HPSE2: variants seen among roughly 807,000 people sequenced by gnomAD.
HPSE2 encodes the protein heparanase 2 (inactive).
A neutral mutation model predicts 60.5 loss-of-function variants in HPSE2; 38 were observed. That is an observed-to-expected ratio of 0.63 (90% CI 0.48 to 0.82). HPSE2 has a LOEUF of 0.82. HPSE2 is among the 40% of genes least tolerant of loss of function. HPSE2 has a pLI of 0.00. For synonymous variants in HPSE2, 295 were observed against 293.2 expected (o/e 1.01, Z -0.06); for missense variants, 713 against 740.4 (o/e 0.96, Z 0.43).
chr10:98,858,925 T>G (rs1012830830), intron 3 of HPSE2, among the ~76,000 whole-genome samples: 3 of 152,124 alleles, frequency 2.0e-5, no homozygotes, highest in Non-Finnish European at 4.4e-5. Context: ...TCTGTGTTTT[T>G]TTTGTTTGTT....
At chr10:99,062,852 T>C (rs1041787642) in intron 3 of HPSE2, among the ~76,000 whole-genome samples, 1 of 152,178 alleles carries the variant, frequency 6.6e-6, no homozygotes, top group Non-Finnish European at 1.5e-5. Context: ...ATTGCAAAAC[T>C]AAACTATTAG....
At chr10:98,731,784 G>A (rs1357510296) in intron 4 of HPSE2, among the ~76,000 whole-genome samples, 2 of 152,086 alleles carry the variant, frequency 1.3e-5, no homozygotes, top group Non-Finnish European at 2.9e-5. Context: ...AGTGCAGTCA[G>A]GCAAGGGAGA....
intron 3 of HPSE2, among the ~76,000 whole-genome samples, chr10:98,820,365 T>C (rs1589882461): frequency 6.6e-6 from 1 of 152,178 alleles, no homozygotes; most frequent in Non-Finnish European, 1.5e-5. Context: ...GGATACATGA[T>C]ATAAAACCAA....
At chr10:98,640,775 A>C (rs1472959297) in intron 7 of HPSE2, among the ~76,000 whole-genome samples, 28 of 152,356 alleles carry the variant, frequency 1.8e-4, no homozygotes, top group Non-Finnish European at 4.4e-5. Flanking sequence ...TTAGAGGCCC[A>C]TGGCAATTGT....
intron 3 of HPSE2, among the ~76,000 whole-genome samples, chr10:99,139,277 A>T (rs1845777152): frequency 1.3e-5 from 2 of 152,160 alleles, no homozygotes; most frequent in South Asian, 4.1e-4. Flanking sequence ...GACACTGGAG[A>T]CTCAGAAGCA....
intron 3 of HPSE2, among the ~76,000 whole-genome samples, chr10:99,071,456 A>G (rs1287472114): frequency 6.6e-6 from 1 of 152,134 alleles, no homozygotes; most frequent in Admixed American, 6.5e-5. Context: ...AAGGGTTCCA[A>G]TTTCTACACA....
chr10:98,837,259 C>T lies in HPSE2; in HGVS notation c.611-93203G>A, dbSNP rs142335628. Among the ~76,000 whole-genome samples, 43 of 152,178 alleles carry T rather than the reference C, an allele frequency of 2.8e-4. 2 individuals are homozygous for T. The East Asian group carries it at 8.3e-3, about 29-fold the overall frequency. ...AAACAGCAACATCAAGAAATGTATG[C>T]ATTATTTTTAGTTAGTGGTGACCCA... On this transcript the variant is annotated intron_variant, in intron 3 of 11. Coordinates refer to ENST00000370552, the MANE Select transcript of HPSE2 (RefSeq NM_021828.5).
At position 98,459,445 on chromosome 10, in the gene HPSE2, G is replaced by A. The variant is rs1231567410; in HGVS notation, c.*129C>T. ...TTTAGTCTCTTTGGAGAGCAAGTCTGTGTTGATTCCAGCAGGATGGGGCAG... is the reference window on the plus strand; with the variant it reads ...TTTAGTCTCTTTGGAGAGCAAGTCTATGTTGATTCCAGCAGGATGGGGCAG... On this transcript the variant is annotated 3_prime_UTR_variant, in exon 12 of 12. Transcript: ENST00000370552. 2 of 1,011,882 alleles carry A rather than the reference G, an allele frequency of 2.0e-6. No homozygotes were observed. The highest frequency in any genetic ancestry group is 3.1e-6 in the Non-Finnish European group (2 of 636,056). The allele number at this position is 1,011,882 out of a possible 1,614,324, so 62.7% of individuals were successfully genotyped here.
intron 9 of HPSE2, among the ~76,000 whole-genome samples, chr10:98,532,183 G>C (rs1943151027): frequency 6.6e-6 from 1 of 152,134 alleles, no homozygotes; most frequent in Non-Finnish European, 1.5e-5. Context: ...TGAGAGCTTG[G>C]AGAAGAAAAC....
At chr10:99,225,971 A>G (rs1237643781) in intron 2 of HPSE2, among the ~76,000 whole-genome samples, 1 of 152,078 alleles carries the variant, frequency 6.6e-6, no homozygotes, top group Non-Finnish European at 1.5e-5. Context: ...TTTGCTTGGG[A>G]TAATTTCTAA....
intron 9 of HPSE2, among the ~76,000 whole-genome samples, chr10:98,552,398 T>C (rs970899901): frequency 3.3e-5 from 5 of 152,092 alleles, no homozygotes; most frequent in Non-Finnish European, 7.4e-5. Flanking sequence ...GCCTGGCACA[T>C]ATAGGTACTA....
chr10:99,257,962 C>T, the HPSE2 span, among the ~76,000 whole-genome samples: 29 of 152,004 alleles, frequency 1.9e-4, 1 homozygote, highest in South Asian at 2.1e-3. Flanking sequence ...CAGGTTCTCC[C>T]GATACCTGTC....
Position 99,114,697 on chromosome 10 carries a change from G to A in HPSE2, c.610+29541C>T, listed in dbSNP as rs547472178. Among the ~76,000 whole-genome samples, 3 of 152,094 alleles carry A rather than the reference G, an allele frequency of 2.0e-5. No individual in the cohort carries two copies. The East Asian group carries it at 5.8e-4, about 30-fold the overall frequency. On this transcript the variant is annotated intron_variant, in intron 3 of 11. Transcript: ENST00000370552. Reference sequence around the variant, plus strand: ...TGGGGGGCTGAGACGGGTGGATCACGAGGTCAGGACATCGAGACCATCCTG... The same window carrying A: ...TGGGGGGCTGAGACGGGTGGATCACAAGGTCAGGACATCGAGACCATCCTG...
chr10:99,015,646 C>T (rs1957121866), intron 3 of HPSE2, among the ~76,000 whole-genome samples: 1 of 147,234 alleles, frequency 6.8e-6, no homozygotes, highest in Non-Finnish European at 1.5e-5. Context: ...GGAAGGGGAA[C>T]ATCAAACACC....
At chr10:98,463,525 G>T (rs1486805835) in intron 11 of HPSE2, among the ~76,000 whole-genome samples, 1 of 151,866 alleles carries the variant, frequency 6.6e-6, no homozygotes, top group Non-Finnish European at 1.5e-5. Context: ...TAGTAGGCTG[G>T]GTGTGGTGGC....
intron 7 of HPSE2, among the ~76,000 whole-genome samples, chr10:98,621,016 A>G (rs1946059746): frequency 6.6e-6 from 1 of 152,186 alleles, no homozygotes; most frequent in South Asian, 2.1e-4. Flanking sequence ...ACTAAAAAAT[A>G]TAAATCATAT....
At chr10:99,114,924 A>C (rs930165375) in intron 3 of HPSE2, among the ~76,000 whole-genome samples, 3 of 150,714 alleles carry the variant, frequency 2.0e-5, no homozygotes, top group Admixed American at 6.6e-5. Flanking sequence ...AAAAAAGAAG[A>C]AGAAGAAGAA....
intron 3 of HPSE2, among the ~76,000 whole-genome samples, chr10:98,876,750 C>T (rs925512865): frequency 2.0e-5 from 3 of 151,846 alleles, no homozygotes; most frequent in Non-Finnish European, 4.4e-5. Context: ...GGCTGACTCA[C>T]TAGAGAGCTC....
intron 9 of HPSE2, among the ~76,000 whole-genome samples, chr10:98,536,922 A>G (rs1462775740): frequency 2.0e-5 from 3 of 152,196 alleles, no homozygotes; most frequent in African/African-American, 7.2e-5. Context: ...AGATGTGGGT[A>G]AAGGTCAAAT....
Sources: allele counts gnomAD v4.1 joint callset (sites outside exome capture counted in the v4.1 genomes callset), GRCh38; gene constraint gnomAD v4.1.1; transcripts MANE v1.5; gene names NCBI Gene and HGNC (gene_info 2026-07-23, HGNC 2026-07-21).